Variants in ADAMTSL1 observed in about 807,000 individuals in gnomAD.
ADAMTSL1 encodes the protein ADAMTS like 1.
A neutral mutation model predicts 201.8 loss-of-function variants in ADAMTSL1; 126 were observed. The observed-to-expected ratio is 0.62, with a 90% CI of 0.54 to 0.72. The LOEUF (loss-of-function observed/expected upper bound fraction) is 0.72. ADAMTSL1 is among the 30% of genes least tolerant of loss of function. ADAMTSL1 has a pLI of 0.00. For missense variants in ADAMTSL1, 2,679 were observed against 2,277.8 expected (o/e 1.18, Z -3.59); for synonymous variants, 1,121 against 903.4 (o/e 1.24, Z -4.32).
intron 1 of ADAMTSL1, among the ~76,000 whole-genome samples, chr9:18,092,249 A>G (rs1824055648): frequency 6.6e-6 from 1 of 152,174 alleles, no homozygotes; most frequent in Admixed American, 6.6e-5. Context: ...GTAGCTCAAC[A>G]TGACAAAAGC....
At chr9:18,245,701 C>T (rs532047504) in intron 2 of ADAMTSL1, among the ~76,000 whole-genome samples, 58 of 143,508 alleles carry the variant, frequency 4.0e-4, no homozygotes, top group African/African-American at 1.4e-3. Flanking sequence ...ACAGTCCCTC[C>T]TTTTTTTTTT....
intron 2 of ADAMTSL1, among the ~76,000 whole-genome samples, chr9:18,259,072 T>C (rs1043720222): frequency 6.6e-6 from 1 of 152,208 alleles, no homozygotes; most frequent in South Asian, 2.1e-4. Flanking sequence ...TGTTGGCTTC[T>C]GTTTCCTGCA....
intron 2 of ADAMTSL1, among the ~76,000 whole-genome samples, chr9:18,523,459 G>C (rs890879020): frequency 8.5e-5 from 13 of 152,136 alleles, no homozygotes; most frequent in Non-Finnish European, 1.8e-4. Flanking sequence ...GATCCCATTT[G>C]TCAGTTCTGG....
rs1375334941 is a variant in ADAMTSL1 at position 18,909,561 on chromosome 9, T to A, written c.*1013T>A. 2.6e-5 allele frequency: 4 copies of A among 151,788 alleles called. No homozygotes were observed. The highest frequency in any genetic ancestry group is 2.6e-4 in the Admixed American group (4 of 15,270). 9.4% of individuals were successfully genotyped at this position (151,788 alleles called of 1,614,324 possible). On this transcript the variant is annotated 3_prime_UTR_variant, in exon 29 of 29. Coordinates refer to ENST00000380548, the MANE Select transcript of ADAMTSL1 (RefSeq NM_001040272.6). ...CCATTTTGAGCATGAATGGCCCAGG[T>A]TTTTTGCCTTCTAGGACCTTTGCTG...
intron 2 of ADAMTSL1, among the ~76,000 whole-genome samples, chr9:18,257,999 T>G (rs1026260569): frequency 6.6e-6 from 1 of 152,170 alleles, no homozygotes; most frequent in Non-Finnish European, 1.5e-5. Flanking sequence ...GGGTACAGAA[T>G]TTCTGTTTGG....
At chr9:18,783,243 G>A (rs988582817) in intron 19 of ADAMTSL1, among the ~76,000 whole-genome samples, 2 of 152,180 alleles carry the variant, frequency 1.3e-5, no homozygotes, top group Non-Finnish European at 2.9e-5. Flanking sequence ...ATGAAATAAT[G>A]TAGGACCCCA....
At chr9:18,007,773 C>T (rs1203859943) in intron 1 of ADAMTSL1, among the ~76,000 whole-genome samples, 2 of 151,880 alleles carry the variant, frequency 1.3e-5, no homozygotes, top group Non-Finnish European at 2.9e-5. Context: ...CTCATTCATA[C>T]TTACATCCAA....
Position 18,666,627 on chromosome 9 carries a change from C to A in ADAMTSL1, c.1085+4554C>A, listed in dbSNP as rs141037097. Among the ~76,000 whole-genome samples, 112 of 152,274 alleles carry A rather than the reference C, an allele frequency of 7.4e-4. 1 individual carries two copies. The highest frequency in any genetic ancestry group is 1.4e-3 in the Non-Finnish European group (93 of 68,020). On this transcript the variant is annotated intron_variant, in intron 9 of 28. Coordinates refer to ENST00000380548, the MANE Select transcript of ADAMTSL1 (RefSeq NM_001040272.6). ...TGTGCCTACCATGGTATAAGCAAAGCTTCTGTCTTACGCCAATGGAAATAT... is the reference window on the plus strand; with the variant it reads ...TGTGCCTACCATGGTATAAGCAAAGATTCTGTCTTACGCCAATGGAAATAT...
intron 23 of ADAMTSL1, among the ~76,000 whole-genome samples, chr9:18,872,359 G>A (rs972003309): frequency 9.9e-5 from 15 of 152,068 alleles, no homozygotes; most frequent in Admixed American, 2.6e-4. Context: ...CAGTAGGTTT[G>A]GGGGGAACAG....
rs1819704272 is a variant in ADAMTSL1 at position 18,435,764 on chromosome 9, G to C, written c.208-69065G>C. 2.0e-5 allele frequency among the ~76,000 whole-genome samples: 3 copies of C among 152,184 alleles called. No individual in the cohort carries two copies. In the South Asian group the frequency reaches 6.2e-4, roughly 32 times the overall value. On this transcript the variant is annotated intron_variant, in intron 2 of 29. Coordinates refer to the ADAMTSL1 transcript ENST00000680146. ...GGAGGAACAAGTCACATCTTACGTGGATGGTGGCAGGCAAGGAGAGGGCTT... is the reference window on the plus strand; with the variant it reads ...GGAGGAACAAGTCACATCTTACGTGCATGGTGGCAGGCAAGGAGAGGGCTT...
intron 1 of ADAMTSL1, among the ~76,000 whole-genome samples, chr9:17,974,903 T>C (rs187377429): frequency 3.3e-4 from 50 of 152,158 alleles, no homozygotes; most frequent in Admixed American, 3.9e-4. Context: ...TGTTTGATCA[T>C]CTAATAGTTC....
intron 2 of ADAMTSL1, among the ~76,000 whole-genome samples, chr9:18,204,085 A>G (rs1829552231): frequency 1.3e-5 from 2 of 152,180 alleles, no homozygotes; most frequent in Admixed American, 6.5e-5. Flanking sequence ...AACTAATGAT[A>G]CTATTTATTA....
chr9:18,825,988 G>T (rs1013818715), intron 21 of ADAMTSL1: 3 of 552,508 alleles, frequency 5.4e-6, no homozygotes, highest in Admixed American at 6.4e-5. Context: ...CCTCCTCTTT[G>T]TACTGGCCTC....
At chr9:18,852,427 G>A (rs182168687) in intron 23 of ADAMTSL1, among the ~76,000 whole-genome samples, 61 of 152,264 alleles carry the variant, frequency 4.0e-4, no homozygotes, top group African/African-American at 1.2e-3. Context: ...GCCACTGGAA[G>A]TGGAAAAATC....
intron 2 of ADAMTSL1, among the ~76,000 whole-genome samples, chr9:18,315,207 A>T (rs9987785): frequency 6.6e-6 from 1 of 151,774 alleles, no homozygotes; most frequent in Non-Finnish European, 1.5e-5. Flanking sequence ...TGGAGCATTG[A>T]CAAATCTTGA....
intron 1 of ADAMTSL1, among the ~76,000 whole-genome samples, chr9:17,910,972 C>T (rs1050672091): frequency 2.9e-5 from 2 of 68,570 alleles, no homozygotes; most frequent in African/African-American, 5.9e-5. Flanking sequence ...ACAGACCTCC[C>T]GTGTAGATAC....
At chr9:18,074,561 C>CTTTTTTTTTTTTTTTTTTTTTTTTTTTTT (rs138619215) in intron 1 of ADAMTSL1, among the ~76,000 whole-genome samples, 1 of 131,352 alleles carries the variant, frequency 7.6e-6, no homozygotes, top group African/African-American at 2.8e-5. Context: ...CTTCTCTTTT[C>CTTTTTTTTTTTTTTTTTTTTTTTTTTTTT]TTTTTTTTTT....
intron 2 of ADAMTSL1, among the ~76,000 whole-genome samples, chr9:18,382,311 A>T (rs1837592349): frequency 6.6e-6 from 1 of 152,170 alleles, no homozygotes; most frequent in Admixed American, 6.6e-5. Flanking sequence ...GAATGGTTAT[A>T]TTACTAGTTG....
chr9:18,044,173 G>A (rs1041961241), intron 1 of ADAMTSL1, among the ~76,000 whole-genome samples: 1 of 151,640 alleles, frequency 6.6e-6, no homozygotes, highest in Admixed American at 6.6e-5. Context: ...TTTGGTCAGA[G>A]GAAATTCACT....
Sources: allele counts gnomAD v4.1 joint callset (sites outside exome capture counted in the v4.1 genomes callset), GRCh38; gene constraint gnomAD v4.1.1; transcripts MANE v1.5; gene names NCBI Gene and HGNC (gene_info 2026-07-23, HGNC 2026-07-21).